The following ADAM18 variants were observed in gnomAD, a reference collection of about 807,000 sequenced individuals.
ADAM18 encodes the protein ADAM metallopeptidase domain 18.
Under a neutral mutation model 94.4 loss-of-function variants are expected in ADAM18, and 117 were observed. The ratio of observed to expected loss-of-function variants is 1.24; its 90% CI spans 1.07 to 1.45. The LOEUF is 1.45. Ranked by LOEUF, ADAM18 falls within the 40% of genes most tolerant of loss-of-function variation. ADAM18 has a pLI of 0.00. For missense variants in ADAM18, 936 were observed against 880.0 expected, an observed-to-expected ratio of 1.06 and a Z score of -0.81; for synonymous variants, 327 against 291.6, an observed-to-expected ratio of 1.12 and a Z score of -1.24.
chr8:39,668,050 T>C lies in ADAM18; in HGVS notation c.1379T>C (p.Phe460Ser). 1.9e-6 allele frequency: 3 copies of C among 1,614,142 alleles called. No individual in the cohort carries two copies. Among genetic ancestry groups the C allele is most frequent in the Non-Finnish European group, 2.5e-6 (3 of 1,180,002 alleles). ...AAGAGTATTGATCCAGAGTGTGATT[T>C]TACAGAGTACTGCAATGGAACCTCT... ...CRKSIDPECDFTEYCNGTSSN... is the reference protein window; with the variant it reads ...CRKSIDPECDSTEYCNGTSSN... Residue 460 changes from phenylalanine (F) to serine (S), a missense_variant, in exon 14 of 20, where the codon TTT becomes TCT. Transcript: ENST00000265707.
intron 2 of ADAM18, among the ~76,000 whole-genome samples, chr8:39,596,115 C>T (rs922064804): frequency 6.6e-6 from 1 of 152,128 alleles, no homozygotes; most frequent in Non-Finnish European, 1.5e-5. Context: ...TTCAGCTTAC[C>T]ACTGTCCTTA....
chr8:39,605,568 T>A (rs1265096728), intron 2 of ADAM18, among the ~76,000 whole-genome samples: 1 of 152,186 alleles, frequency 6.6e-6, no homozygotes, highest in African/African-American at 2.4e-5. Context: ...TTGTGTGGCA[T>A]GTGTGCCTGC....
At chr8:39,624,023 T>A (rs1425427652) in intron 6 of ADAM18, among the ~76,000 whole-genome samples, 1 of 152,230 alleles carries the variant, frequency 6.6e-6, no homozygotes, top group Non-Finnish European at 1.5e-5. Context: ...CTTGCTGATT[T>A]GTTTGAGTTC....
intron 2 of ADAM18, among the ~76,000 whole-genome samples, chr8:39,595,362 G>A (rs1563267115): frequency 1.3e-5 from 2 of 152,222 alleles, no homozygotes; most frequent in Non-Finnish European, 2.9e-5. Flanking sequence ...ACTGGACCCT[G>A]TTGACACTGT....
At chr8:39,675,571 C>T (rs564771462) in intron 14 of ADAM18, among the ~76,000 whole-genome samples, 1 of 152,284 alleles carries the variant, frequency 6.6e-6, no homozygotes, top group Non-Finnish European at 1.5e-5. Context: ...GTTTTAACAT[C>T]CTCCTTTAGC....
intron 18 of ADAM18, among the ~76,000 whole-genome samples, chr8:39,718,761 A>ATTT (rs1554516219): frequency 2.7e-5 from 4 of 150,384 alleles, no homozygotes; most frequent in Admixed American, 6.7e-5. Flanking sequence ...ATCAGAAAAT[A>ATTT]AAATACTTGC....
chr8:39,623,733 A>T (rs1463117395), intron 6 of ADAM18, among the ~76,000 whole-genome samples: 3 of 151,978 alleles, frequency 2.0e-5, no homozygotes, highest in Non-Finnish European at 4.4e-5. Context: ...AGTAGCTGGG[A>T]CTACAGACAC....
chr8:39,661,869 A>T (rs1285932061), intron 12 of ADAM18, among the ~76,000 whole-genome samples: 1 of 151,630 alleles, frequency 6.6e-6, no homozygotes, highest in African/African-American at 2.4e-5. Flanking sequence ...ACAGGTGTCA[A>T]TGCCCTTTCG....
chr8:39,608,669 A>G (rs1819165673), intron 3 of ADAM18, among the ~76,000 whole-genome samples: 1 of 152,038 alleles, frequency 6.6e-6, no homozygotes, highest in Admixed American at 6.6e-5. Flanking sequence ...TCTAATTGCT[A>G]GTACTATGTG....
intron 19 of ADAM18, among the ~76,000 whole-genome samples, chr8:39,727,255 T>C (rs1157283401): frequency 6.6e-6 from 1 of 152,216 alleles, no homozygotes; most frequent in African/African-American, 2.4e-5. Flanking sequence ...TTTTTAGTTA[T>C]GTTAATATCT....
chr8:39,604,138 C>T (rs975683291), intron 2 of ADAM18, among the ~76,000 whole-genome samples: 12 of 152,186 alleles, frequency 7.9e-5, no homozygotes, highest in African/African-American at 2.9e-4. Flanking sequence ...GCTTCTCTGC[C>T]AGGCTCTTAC....
chr8:39,621,809 T>A (rs754516681), intron 6 of ADAM18, among the ~76,000 whole-genome samples: 32 of 152,146 alleles, frequency 2.1e-4, no homozygotes, highest in Non-Finnish European at 4.1e-4. Context: ...GTTATCCTCA[T>A]CAAACTAAAG....
chr8:39,600,495 T>A (rs1218189007), intron 2 of ADAM18, among the ~76,000 whole-genome samples: 1 of 152,224 alleles, frequency 6.6e-6, no homozygotes, highest in Non-Finnish European at 1.5e-5. Flanking sequence ...AAAAAATGTG[T>A]TTATTTCATC....
intron 11 of ADAM18, 102 bp from the exon 12 acceptor site, chr8:39,648,242 G>C (rs1444068809): frequency 1.6e-5 from 12 of 754,532 alleles, no homozygotes; most frequent in Admixed American, 3.4e-5. Context: ...TATAAATTTT[G>C]GGGTGGCCAT....
intron 7 of ADAM18, among the ~76,000 whole-genome samples, chr8:39,634,283 A>G (rs1226946055): frequency 6.6e-6 from 1 of 152,114 alleles, no homozygotes; most frequent in Non-Finnish European, 1.5e-5. Flanking sequence ...CTGTGGTGGC[A>G]TGGCTACTTC....
chr8:39,705,345 T>A (rs1445037896), intron 17 of ADAM18, among the ~76,000 whole-genome samples: 1 of 152,178 alleles, frequency 6.6e-6, no homozygotes, highest in East Asian at 1.9e-4. Context: ...CTTTTAAAGT[T>A]AGCAAAATAA....
intron 2 of ADAM18, among the ~76,000 whole-genome samples, chr8:39,603,309 CTT>C (rs1169724774): frequency 6.6e-6 from 1 of 152,116 alleles, no homozygotes; most frequent in Non-Finnish European, 1.5e-5. Context: ...TTTCTCCAAA[CTT>C]GGTTCTTTCT....
At chr8:39,611,140 A>G in intron 6 of ADAM18, 3 of 964,010 alleles carry the variant, frequency 3.1e-6, no homozygotes, top group Non-Finnish European at 3.7e-6. Flanking sequence ...TCTTGCTGGC[A>G]GTTTCTTTCT....
chr8:39,592,966 C>T (rs959916844), intron 2 of ADAM18, among the ~76,000 whole-genome samples: 9 of 152,160 alleles, frequency 5.9e-5, no homozygotes, highest in African/African-American at 1.9e-4. Flanking sequence ...GAGCGGTCTT[C>T]ATCAATTATC....
Sources: allele counts gnomAD v4.1 joint callset (sites outside exome capture counted in the v4.1 genomes callset), GRCh38; gene constraint gnomAD v4.1.1; transcripts MANE v1.5; gene names NCBI Gene and HGNC (gene_info 2026-07-23, HGNC 2026-07-21).